TPTE: variants seen among roughly 807,000 people sequenced by gnomAD.
The protein encoded by TPTE is transmembrane phosphatase with tensin homology, also known as putative tyrosine-protein phosphatase TPTE.
Under a neutral mutation model 84.1 loss-of-function variants are expected in TPTE, and 59 were observed. The ratio of observed to expected loss-of-function variants is 0.70; its 90% CI spans 0.57 to 0.87. The LOEUF is 0.87. Among genes scored for constraint, TPTE ranks in the 40% least tolerant of loss-of-function variants. TPTE has a pLI of 0.00. For synonymous variants in TPTE, 130 were observed against 223.5 expected (o/e 0.58, Z 3.73); for missense variants, 382 against 659.6 (o/e 0.58, Z 4.61).
At chr21:10,598,286 G>A (rs566166548) in intron 21 of TPTE, among the ~76,000 whole-genome samples, 192 bp downstream of exon 21, 15 of 152,416 alleles carry the variant, frequency 9.8e-5, no homozygotes, top group African/African-American at 3.6e-4. Context: ...GTTCAAAACA[G>A]TTTTTTCAGG....
At chr21:10,574,401 T>G (rs578031258) in intron 14 of TPTE, among the ~76,000 whole-genome samples, 39 of 152,344 alleles carry the variant, frequency 2.6e-4, no homozygotes, top group Admixed American at 4.6e-4. Context: ...ATCCCATGAC[T>G]AGAGAACGTG....
At chr21:10,550,085 A>C (rs1452685024) in intron 7 of TPTE, among the ~76,000 whole-genome samples, 1 of 152,310 alleles carries the variant, frequency 6.6e-6, no homozygotes, top group African/African-American at 2.4e-5. Context: ...ACAAATGAAG[A>C]AGACATAAAA....
chr21:10,602,448 G>T (rs1412419616), intron 22 of TPTE, among the ~76,000 whole-genome samples: 4 of 152,118 alleles, frequency 2.6e-5, no homozygotes, highest in Non-Finnish European at 5.9e-5. Flanking sequence ...AACCCCAAAG[G>T]TATGTTTTAC....
chr21:10,542,257 C>T, intron 5 of TPTE, 138 bp from the exon 6 acceptor site: 1 of 1,079,956 alleles, frequency 9.3e-7, no homozygotes, highest in Non-Finnish European at 1.4e-6. Context: ...AAAAGACATT[C>T]CAGGTTCCAG....
intron 7 of TPTE, among the ~76,000 whole-genome samples, chr21:10,548,992 C>G (rs1019897683): frequency 1.2e-4 from 18 of 152,302 alleles, no homozygotes; most frequent in Admixed American, 9.2e-4. Flanking sequence ...CTGACCCACT[C>G]TATGCCTGCA....
chr21:10,532,680 G>T (rs1365784510), intron 3 of TPTE, among the ~76,000 whole-genome samples: 1 of 152,296 alleles, frequency 6.6e-6, no homozygotes, highest in East Asian at 1.9e-4. Flanking sequence ...TACAAACTTT[G>T]TCATGTTATT....
At chr21:10,591,487 G>A (rs537390262) in intron 18 of TPTE, among the ~76,000 whole-genome samples, 75 of 152,266 alleles carry the variant, frequency 4.9e-4, no homozygotes, top group African/African-American at 1.7e-3. Context: ...AACTGACATC[G>A]TTTGAAAATA....
rs1208259541 is a variant in TPTE at position 10,594,759 on chromosome 21, C to T, written c.1171-1223C>T. On this transcript the variant is annotated intron_variant, in intron 19 of 23. Coordinates refer to ENST00000618007, the MANE Select transcript of TPTE (RefSeq NM_199261.4). Reference sequence around the variant, plus strand: ...TGCAACTGAATCTCTTCTGATTCACCGAAAAAGCAACACAGGGACTCAGCT... The same window carrying T: ...TGCAACTGAATCTCTTCTGATTCACTGAAAAAGCAACACAGGGACTCAGCT... Among the ~76,000 whole-genome samples, 10 of 152,422 alleles carry T rather than the reference C, an allele frequency of 6.6e-5. No homozygotes were observed. The South Asian group carries it at 8.3e-4, about 13-fold the overall frequency.
At chr21:10,530,418 C>T (rs983808850) in intron 3 of TPTE, among the ~76,000 whole-genome samples, 1 of 152,428 alleles carries the variant, frequency 6.6e-6, no homozygotes, top group African/African-American at 2.4e-5. Flanking sequence ...ATTGTTTTGC[C>T]TATATGTTTT....
intron 21 of TPTE, among the ~76,000 whole-genome samples, 198 bp from the exon 22 acceptor site, chr21:10,601,860 A>C (rs1315445314): frequency 3.9e-5 from 6 of 152,308 alleles, no homozygotes; most frequent in African/African-American, 1.4e-4. Flanking sequence ...CAGAAAACAA[A>C]AAGCAAATGT....
chr21:10,605,108 A>G (rs537890515), intron 23 of TPTE, among the ~76,000 whole-genome samples: 1 of 152,426 alleles, frequency 6.6e-6, no homozygotes, highest in East Asian at 1.9e-4. Flanking sequence ...GCTTTCATTC[A>G]TGTCTATCCT....
At chr21:10,576,187 A>G (rs1368018148) in intron 14 of TPTE, 3 of 163,066 alleles carry the variant, frequency 1.8e-5, no homozygotes, top group Non-Finnish European at 4.0e-5. Context: ...CCTAAATGCC[A>G]GTCGATGATA....
intron 3 of TPTE, among the ~76,000 whole-genome samples, chr21:10,528,687 C>T (rs140135336): frequency 2.0e-3 from 312 of 152,324 alleles, no homozygotes; most frequent in Non-Finnish European, 3.7e-3. Context: ...CGTAAGATTA[C>T]CAATATAGTC....
chr21:10,554,128 A>G (rs1318831738), intron 8 of TPTE, among the ~76,000 whole-genome samples: 1 of 151,750 alleles, frequency 6.6e-6, no homozygotes, highest in African/African-American at 2.4e-5. Flanking sequence ...TATTAATGAC[A>G]TCATGGCTAT....
In TPTE at chr21:10,573,752, TGAAAG is replaced by T. The variant is rs922358081; in HGVS notation, c.795+3209_795+3213del. ...GAATGAAGGAAACAGATTTTTTAAA[TGAAAG>T]GAAAGAAAATTACCTGACTTGGCTG... On this transcript the variant is annotated intron_variant, in intron 14 of 23. Coordinates refer to ENST00000618007, the MANE Select transcript of TPTE (RefSeq NM_199261.4). 3.9e-5 allele frequency among the ~76,000 whole-genome samples: 6 copies of T among 152,414 alleles called. No homozygotes were observed. The South Asian group carries it at 1.0e-3, about 26-fold the overall frequency.
intron 3 of TPTE, among the ~76,000 whole-genome samples, chr21:10,537,836 G>A (rs573792390): frequency 5.9e-5 from 9 of 152,414 alleles, no homozygotes; most frequent in African/African-American, 2.2e-4. Context: ...AAATATAAAG[G>A]TTGAGATTAG....
At chr21:10,595,065 CAG>C (rs2075555835) in intron 19 of TPTE, among the ~76,000 whole-genome samples, 4 of 152,422 alleles carry the variant, frequency 2.6e-5, no homozygotes, top group South Asian at 4.1e-4. Flanking sequence ...ATTTTTGAGA[CAG>C]AGTCTCGCTC....
chr21:10,604,367 C>A (rs1979008544), intron 23 of TPTE, among the ~76,000 whole-genome samples: 1 of 152,300 alleles, frequency 6.6e-6, no homozygotes. Context: ...TACAAAAGGA[C>A]AAAATATTTT....
intron 19 of TPTE, among the ~76,000 whole-genome samples, chr21:10,595,744 T>TAA (rs1301971151): frequency 1.3e-5 from 2 of 152,312 alleles, no homozygotes; most frequent in African/African-American, 4.8e-5. Context: ...AAGCAGCCTA[T>TAA]AAACAGGGCC....
Sources: allele counts gnomAD v4.1 joint callset (sites outside exome capture counted in the v4.1 genomes callset), GRCh38; gene constraint gnomAD v4.1.1; transcripts MANE v1.5; gene names NCBI Gene and HGNC (gene_info 2026-07-23, HGNC 2026-07-21).